SLC9A9: variants seen among roughly 807,000 people sequenced by gnomAD.
SLC9A9 encodes solute carrier family 9 member A9.
In SLC9A9, 62 loss-of-function variants were observed where a neutral mutation model predicts 77.8. That is an observed-to-expected ratio of 0.80 (90% CI 0.65 to 0.98). The LOEUF (loss-of-function observed/expected upper bound fraction) is 0.98. Ranked by LOEUF, SLC9A9 falls within the 50% of genes least tolerant of loss-of-function variation. The pLI is 0.00. For missense variants in SLC9A9, 775 were observed against 774.9 expected, an observed-to-expected ratio of 1.00 and a Z score of 0.00; for synonymous variants, 320 against 283.5, an observed-to-expected ratio of 1.13 and a Z score of -1.29.
chr3:143,767,072 TCTG>T (rs2007341994), intron 4 of SLC9A9, among the ~76,000 whole-genome samples: 2 of 152,150 alleles, frequency 1.3e-5, no homozygotes, highest in Non-Finnish European at 2.9e-5. Context: ...TCATGAGAAT[TCTG>T]CTAATATTAT....
intron 12 of SLC9A9, among the ~76,000 whole-genome samples, chr3:143,396,085 A>C (rs1455780400): frequency 1.2e-4 from 18 of 152,194 alleles, no homozygotes; most frequent in East Asian, 9.6e-4. Flanking sequence ...TTGACCCAGC[A>C]ATCCCATTAC....
intron 14 of SLC9A9, among the ~76,000 whole-genome samples, chr3:143,317,731 ATTTTC>A (rs933446722): frequency 8.2e-6 from 1 of 122,052 alleles, no homozygotes; most frequent in Non-Finnish European, 1.7e-5. Context: ...TCTATGTTCC[ATTTTC>A]TTTTCTTTTG....
In SLC9A9 at chr3:143,268,918, C is replaced by T. The variant is rs141638793; in HGVS notation, c.1667G>A (p.Cys556Tyr). Residue 556 changes from cysteine (C) to tyrosine (Y), a missense_variant, in exon 15 of 16, where the codon TGT (cysteine) becomes TAT (tyrosine). Physicochemically the swap from Cys to Tyr is radical, Grantham distance 194. Coordinates refer to ENST00000316549, the MANE Select transcript of SLC9A9 (RefSeq NM_173653.4). ...GGTAAGCAGCCTGGAAATCGGACCA[C>T]ACCATTCAGGTAATGTTGTAGTCAG... The part of the protein sequence containing the change: ...PPLTTTLPEW[C>Y]GPISRLLTSP... 85 of 1,613,622 alleles carry T rather than the reference C, an allele frequency of 5.3e-5. No individual in the cohort carries two copies. The African/African-American group carries it at 9.9e-4, about 19-fold the overall frequency.
intron 14 of SLC9A9, among the ~76,000 whole-genome samples, chr3:143,314,030 T>C (rs2108439944): frequency 1.3e-5 from 2 of 152,316 alleles, no homozygotes; most frequent in East Asian, 3.9e-4. Context: ...AACCCTCCTC[T>C]GGGCTCCCAC....
At chr3:143,278,040 T>C (rs945593980) in intron 14 of SLC9A9, among the ~76,000 whole-genome samples, 2 of 152,086 alleles carry the variant, frequency 1.3e-5, no homozygotes, top group East Asian at 3.9e-4. Flanking sequence ...GCTCCCAAAA[T>C]GGAGTGTGTG....
At chr3:143,412,079 G>A (rs2034106275) in intron 12 of SLC9A9, among the ~76,000 whole-genome samples, 1 of 152,136 alleles carries the variant, frequency 6.6e-6, no homozygotes, top group African/African-American at 2.4e-5. Context: ...CCTGTAGTCA[G>A]GAGAGACATA....
Position 143,812,164 on chromosome 3 carries a change from T to A in SLC9A9, c.379-15261A>T, listed in dbSNP as rs115973542. Among the ~76,000 whole-genome samples, 1,042 of 152,322 alleles carry A rather than the reference T, an allele frequency of 6.8e-3. 17 individuals are homozygous for A. Among genetic ancestry groups the A allele is most frequent in the African/African-American group, 0.024 (989 of 41,566 alleles). ...AATAAAATGGCTACTGGAAATATAC[T>A]TTGTATTACTCCTAAGAAGGGTAAT... On this transcript the variant is annotated intron_variant, in intron 2 of 15. Coordinates refer to ENST00000316549, the MANE Select transcript of SLC9A9 (RefSeq NM_173653.4).
intron 4 of SLC9A9, among the ~76,000 whole-genome samples, chr3:143,716,878 A>G (rs1934366910): frequency 6.6e-6 from 1 of 152,166 alleles, no homozygotes; most frequent in South Asian, 2.1e-4. Flanking sequence ...GGCTTGCACA[A>G]CTGAGAGGCC....
At chr3:143,452,670 A>G (rs925510578) in intron 12 of SLC9A9, among the ~76,000 whole-genome samples, 2 of 152,102 alleles carry the variant, frequency 1.3e-5, no homozygotes, top group African/African-American at 4.8e-5. Context: ...TACTTTGGTT[A>G]TCTAAGAGAA....
chr3:143,738,843 C>T (rs1935006192), intron 4 of SLC9A9, among the ~76,000 whole-genome samples: 1 of 152,188 alleles, frequency 6.6e-6, no homozygotes, highest in Admixed American at 6.5e-5. Flanking sequence ...TCAGGACCAG[C>T]CAAATGAAAG....
At chr3:143,632,275 C>G (rs62269850) in intron 6 of SLC9A9, among the ~76,000 whole-genome samples, 21,277 of 151,944 alleles carry the variant, frequency 0.14, 1,742 homozygotes, top group Middle Eastern at 0.18. Flanking sequence ...TTCTGGTTGA[C>G]AAAACAGCAG....
At chr3:143,789,473 C>A (rs1235243952) in intron 4 of SLC9A9, among the ~76,000 whole-genome samples, 3 of 152,128 alleles carry the variant, frequency 2.0e-5, no homozygotes, top group African/African-American at 7.2e-5. Flanking sequence ...GGGTTAGAAA[C>A]CCTGTTCTAA....
At position 143,634,124 on chromosome 3, in the gene SLC9A9, C is replaced by G. The variant is rs182871892; in HGVS notation, c.755+18131G>C. Among the ~76,000 whole-genome samples the G allele has an allele frequency of 3.4e-5, 5 of 149,188 alleles. No individual in the cohort carries two copies. The East Asian group carries it at 5.8e-4, about 17-fold the overall frequency. ...TCTTGTAAGTGACTTGAATTTTCTG[C>G]CTATGTGCTCCCATAATCCTTTCTT... On this transcript the variant is annotated intron_variant, in intron 6 of 15. Coordinates refer to ENST00000316549, the MANE Select transcript of SLC9A9 (RefSeq NM_173653.4).
chr3:143,463,391 C>T (rs1036770542), intron 12 of SLC9A9, among the ~76,000 whole-genome samples: 2 of 152,198 alleles, frequency 1.3e-5, no homozygotes, highest in Non-Finnish European at 2.9e-5. Flanking sequence ...TTATCTGGTG[C>T]CACTGCCAGA....
intron 5 of SLC9A9, among the ~76,000 whole-genome samples, chr3:143,654,628 G>A (rs905604856): frequency 1.3e-5 from 2 of 152,176 alleles, no homozygotes; most frequent in Non-Finnish European, 2.9e-5. Context: ...CTAGGATCTT[G>A]TGGAATAAAA....
intron 9 of SLC9A9, among the ~76,000 whole-genome samples, chr3:143,514,475 C>T (rs993584760): frequency 6.6e-6 from 1 of 152,196 alleles, no homozygotes; most frequent in African/African-American, 2.4e-5. Context: ...GACTTCTCTC[C>T]AGCTATGAAA....
intron 6 of SLC9A9, among the ~76,000 whole-genome samples, chr3:143,605,020 G>A (rs2037898967): frequency 6.6e-6 from 1 of 152,146 alleles, no homozygotes. Flanking sequence ...CCAACATGAA[G>A]CAGAAGTGAA....
At chr3:143,749,700 T>C (rs1273448521) in intron 4 of SLC9A9, among the ~76,000 whole-genome samples, 1 of 152,232 alleles carries the variant, frequency 6.6e-6, no homozygotes, top group African/African-American at 2.4e-5. Context: ...GGTTCAATAG[T>C]TGTTCTGCTT....
intron 12 of SLC9A9, among the ~76,000 whole-genome samples, chr3:143,416,758 A>G (rs2034201202): frequency 6.6e-6 from 1 of 152,198 alleles, no homozygotes; most frequent in Non-Finnish European, 1.5e-5. Flanking sequence ...GTATGCTTGT[A>G]CATCTGTATG....
Sources: allele counts gnomAD v4.1 joint callset (sites outside exome capture counted in the v4.1 genomes callset), GRCh38; gene constraint gnomAD v4.1.1; transcripts MANE v1.5; gene names NCBI Gene and HGNC (gene_info 2026-07-23, HGNC 2026-07-21).